The following LYST variants were observed in gnomAD, a reference collection of about 807,000 sequenced individuals.
LYST encodes the protein lysosomal-trafficking regulator.
LYST carries 192 observed loss-of-function variants against 413.6 expected under a neutral mutation model. The observed-to-expected ratio is 0.46, with a 90% CI of 0.41 to 0.52. The LOEUF (loss-of-function observed/expected upper bound fraction) is 0.52. Ranked by LOEUF, LYST falls within the 20% of genes least tolerant of loss-of-function variation. LYST has a pLI of 0.00. For synonymous variants in LYST, 1,525 were observed against 1,567.3 expected (o/e 0.97, Z 0.64); for missense variants, 3,815 against 4,499.9 (o/e 0.85, Z 4.35).
intron 45 of LYST, among the ~76,000 whole-genome samples, chr1:235,700,351 C>G (rs6700726): frequency 0.46 from 69,397 of 151,906 alleles, 17,598 homozygotes; most frequent in African/African-American, 0.67. Context: ...GGTCTAATAT[C>G]CAGAATCTAC....
chr1:235,882,078 T>A (rs918832301), intron 1 of LYST, among the ~76,000 whole-genome samples: 36 of 145,840 alleles, frequency 2.5e-4, no homozygotes, highest in African/African-American at 7.4e-4. Flanking sequence ...ACTCTTTCTT[T>A]CACACACACA....
intron 5 of LYST, among the ~76,000 whole-genome samples, chr1:235,807,310 T>C (rs1244391312): frequency 6.6e-6 from 1 of 152,218 alleles, no homozygotes; most frequent in Non-Finnish European, 1.5e-5. Context: ...AATTGAACAG[T>C]CAATGGTACA....
chr1:235,857,286 T>C (rs1679297643), intron 1 of LYST, among the ~76,000 whole-genome samples: 1 of 152,052 alleles, frequency 6.6e-6, no homozygotes, highest in South Asian at 2.1e-4. Context: ...AATAAGTGAA[T>C]TGAGCCCTCA....
At chr1:235,762,698 C>G in intron 22 of LYST, 22 bp downstream of exon 22, 1 of 1,609,008 alleles carries the variant, frequency 6.2e-7, no homozygotes, top group Non-Finnish European at 8.5e-7. Flanking sequence ...GAAGGTCATA[C>G]TTCCATTATT....
chr1:235,851,587 G>T (rs1287908407), intron 1 of LYST, among the ~76,000 whole-genome samples: 2 of 151,274 alleles, frequency 1.3e-5, no homozygotes, highest in Non-Finnish European at 2.9e-5. Context: ...AAGGTTTATT[G>T]GCAAAAAAAG....
intron 14 of LYST, among the ~76,000 whole-genome samples, chr1:235,782,579 AG>A (rs1669986387): frequency 6.6e-6 from 1 of 152,154 alleles, no homozygotes; most frequent in South Asian, 2.1e-4. Flanking sequence ...CTGCAGAAAG[AG>A]GGGAGCCAAA....
At chr1:235,675,236 A>G (rs959961939) in intron 50 of LYST, among the ~76,000 whole-genome samples, 2 of 152,210 alleles carry the variant, frequency 1.3e-5, no homozygotes, top group African/African-American at 2.4e-5. Flanking sequence ...ATGCCTAGAC[A>G]TGCCCAGACT....
In LYST at chr1:235,726,223, T is replaced by C. The variant is rs965563750; in HGVS notation, c.9162+1853A>G. On this transcript the variant is annotated intron_variant, in intron 38 of 52. Coordinates refer to ENST00000389793, the MANE Select transcript of LYST (RefSeq NM_000081.4). ...GACTCAATTGCCAAGAACTATTTTA[T>C]CCTAGGCTCTTTATCTTTCCAAAAC... Among the ~76,000 whole-genome samples the C allele has an allele frequency of 3.9e-5, 6 of 152,284 alleles. No homozygotes were observed. In the South Asian group the frequency reaches 1.0e-3, roughly 26 times the overall value.
chr1:235,697,326 A>G (rs895841766), intron 45 of LYST, 54 bp from the exon 46 acceptor site: 131 of 1,270,094 alleles, frequency 1.0e-4, no homozygotes, highest in Admixed American at 1.4e-4. Flanking sequence ...TAAGTGTAGA[A>G]TTACTTCTAA....
chr1:235,697,836 A>G (rs550275305), intron 45 of LYST, among the ~76,000 whole-genome samples: 2 of 152,322 alleles, frequency 1.3e-5, no homozygotes. Context: ...GAGAATCTCT[A>G]GCCAGTACTA....
intron 1 of LYST, among the ~76,000 whole-genome samples, chr1:235,838,479 T>C (rs6668242): frequency 0.81 from 122,825 of 152,200 alleles, 49,868 homozygotes; most frequent in African/African-American, 0.91. Flanking sequence ...TTAGAAAGCC[T>C]ACATAGCCTT....
chr1:235,800,154 C>A lies in LYST; in HGVS notation c.4006+166G>T, dbSNP rs72763422. 0.11 allele frequency among the ~76,000 whole-genome samples: 16,052 copies of A among 150,490 alleles called. 954 individuals carry two copies. Among genetic ancestry groups the A allele is most frequent in the Middle Eastern group, 0.18 (52 of 292 alleles). ...ATAGAGACAGGTCTCTCTATATTGCCCAGGCTGGTATTGAACTCCCAGGCT... is the reference window on the plus strand; with the variant it reads ...ATAGAGACAGGTCTCTCTATATTGCACAGGCTGGTATTGAACTCCCAGGCT... On this transcript the variant is annotated intron_variant, in intron 10 of 52. Transcript: ENST00000389793.
chr1:235,695,335 A>G (rs1661003981), intron 46 of LYST, among the ~76,000 whole-genome samples: 1 of 152,236 alleles, frequency 6.6e-6, no homozygotes, highest in African/African-American at 2.4e-5. Flanking sequence ...AGTAAGCAGC[A>G]GGGCAAGGAT....
chr1:235,823,991 A>C (rs1476795026), intron 3 of LYST, among the ~76,000 whole-genome samples: 10 of 152,208 alleles, frequency 6.6e-5, no homozygotes, highest in African/African-American at 1.9e-4. Flanking sequence ...AGCAGTGAAT[A>C]AACTGTAGCC....
rs1672601714 is a variant in LYST, at chr1:235,804,540, T to C, written c.3519A>G (p.Ser1173=). The C allele has an allele frequency of 4.3e-6, 7 of 1,613,828 alleles. No individual in the cohort carries two copies. The highest frequency in any genetic ancestry group is 4.5e-5 in the East Asian group (2 of 44,858). ...ALLRVALGNY[S]ADFEHNDAMT... is the part of the protein sequence containing the mutation. ...TAGCATCATTATGTTCAAAATCTGC[T>C]GAATAATTCCCGAGGGCAACTCGAA... is the stretch of plus-strand genomic sequence containing the variant. The change falls in exon 7 of 53, where the codon TCA becomes TCG. Residue 1173 remains serine (S), a synonymous_variant. Coordinates refer to ENST00000389793, the MANE Select transcript of LYST (RefSeq NM_000081.4).
chr1:235,775,513 T>G (rs948428005), intron 17 of LYST, among the ~76,000 whole-genome samples: 1 of 152,202 alleles, frequency 6.6e-6, no homozygotes, highest in Non-Finnish European at 1.5e-5. Flanking sequence ...TCCTGCCTTG[T>G]ATGTCAATTT....
intron 42 of LYST, chr1:235,712,532 G>A: frequency 1.2e-6 from 1 of 864,886 alleles, no homozygotes; most frequent in Non-Finnish European, 1.4e-6. Context: ...TGCACATAAT[G>A]GGTATTCAAT....
At chr1:235,764,313 G>A (rs972286569) in intron 21 of LYST, among the ~76,000 whole-genome samples, 1 of 151,934 alleles carries the variant, frequency 6.6e-6, no homozygotes, top group African/African-American at 2.4e-5. Flanking sequence ...GGCTGTAAAC[G>A]TCTTAAGAGA....
At chr1:235,778,029 C>G (rs1669459576) in intron 16 of LYST, among the ~76,000 whole-genome samples, 1 of 148,412 alleles carries the variant, frequency 6.7e-6, no homozygotes, top group Non-Finnish European at 1.5e-5. Context: ...CTCAAGGGAT[C>G]CTCCCACCTC....
Sources: gnomAD v4.1 joint callset for allele counts (sites outside exome capture counted in the v4.1 genomes callset) on GRCh38, gnomAD v4.1.1 for gene constraint, MANE v1.5 for transcripts, NCBI Gene and HGNC (gene_info 2026-07-23, HGNC 2026-07-21) for gene names.